SHE: variants seen among roughly 807,000 people sequenced by gnomAD.
SHE encodes the protein SH2 domain-containing adapter protein E.
Under a neutral mutation model 49.8 loss-of-function variants are expected in SHE, and 11 were observed. The observed-to-expected ratio is 0.22, with a 90% CI of 0.14 to 0.37. SHE has a LOEUF of 0.37. Among genes scored for constraint, SHE ranks in the 10% least tolerant of loss-of-function variants. The pLI, the probability that SHE is intolerant of heterozygous loss-of-function variation, is 1.00. For synonymous variants in SHE, 310 were observed against 278.1 expected, an observed-to-expected ratio of 1.11 and a Z score of -1.14; for missense variants, 624 against 655.5, an observed-to-expected ratio of 0.95 and a Z score of 0.52.
Position 154,481,444 on chromosome 1 carries a change from A to C in SHE, c.*2705T>G. 1.0e-6 allele frequency: 1 copy of C among 985,460 alleles called. No individual in the cohort carries two copies. The highest frequency in any genetic ancestry group is 1.1e-4 in the East Asian group (1 of 8,822). The allele number at this position is 985,460 out of a possible 1,614,324, so 61.0% of individuals were successfully genotyped here. Reference sequence around the variant, plus strand: ...ATGACTTGTCACAGAGAAACAGTATAGAAGAAGCATAATACTGGGCATATG... The same window carrying C: ...ATGACTTGTCACAGAGAAACAGTATCGAAGAAGCATAATACTGGGCATATG... On this transcript the variant is annotated 3_prime_UTR_variant, in exon 6 of 6. Coordinates refer to ENST00000304760, the MANE Select transcript of SHE (RefSeq NM_001010846.3).
chr1:154,488,954 T>C (rs1293437377), intron 3 of SHE, 97 bp downstream of exon 3: 1 of 1,422,952 alleles, frequency 7.0e-7, no homozygotes, highest in Non-Finnish European at 9.4e-7. Flanking sequence ...GAGAAAGGAA[T>C]ATAAAGGTAC....
At chr1:154,470,421 C>T in intron 1 of SHE, 2 of 1,283,578 alleles carry the variant, frequency 1.6e-6, no homozygotes, top group South Asian at 1.2e-5. Flanking sequence ...AAAGCATTTT[C>T]CTTATTTACT....
chr1:154,486,213 A>G, intron 4 of SHE, 151 bp from the exon 5 acceptor site: 1 of 1,117,508 alleles, frequency 8.9e-7, no homozygotes, highest in Non-Finnish European at 1.3e-6. Context: ...CAGAACAGAC[A>G]AAATGCAGAT....
At chr1:154,470,063 C>T (rs561307423) in exon 2 of SHE, 45 of 333,126 alleles carry the variant, frequency 1.4e-4, no homozygotes, top group East Asian at 3.2e-4. Context: ...TGAGAGGCGC[C>T]GCCTCTGGGC....
At chr1:154,494,677 C>A (rs556327013) in intron 2 of SHE, among the ~76,000 whole-genome samples, 1 of 152,068 alleles carries the variant, frequency 6.6e-6, no homozygotes. Flanking sequence ...CCACAGCTTG[C>A]TGAATGACAT....
chr1:154,480,299 C>T lies in SHE; in HGVS notation c.*3850G>A, dbSNP rs891677825. The T allele has an allele frequency of 1.0e-6, 1 of 985,290 alleles. No individual in the cohort carries two copies. The highest frequency in any genetic ancestry group is 1.2e-6 in the Non-Finnish European group (1 of 829,950). 61.0% of individuals were successfully genotyped at this position (985,290 alleles called of 1,614,324 possible). A position where few individuals can be genotyped will look rare whatever the true frequency, so the allele number is the denominator to read the frequency against. ...AAGGGAAATGAAATCGACATCACTG[C>T]ACTCCCTAAACCCTGGAAGGAGGGA... On this transcript the variant is annotated 3_prime_UTR_variant, in exon 6 of 6. Transcript: ENST00000304760.
chr1:154,489,378 T>C, intron 2 of SHE, 22 bp from the exon 3 acceptor site: 1 of 1,604,680 alleles, frequency 6.2e-7, no homozygotes, highest in Non-Finnish European at 8.5e-7. Flanking sequence ...ACACCATTTC[T>C]GAAAAACACA....
rs1350565671 is a variant in SHE, at chr1:154,484,259, C to A, written c.1378G>T (p.Val460Leu). 2.5e-6 allele frequency: 4 copies of A among 1,614,106 alleles called. No homozygotes were observed. The African/African-American group carries it at 5.3e-5, about 22-fold the overall frequency. ...NKYTLNQTSA[V>L]FDSIPEVVHY... Reference sequence around the variant, plus strand: ...ACCACTTCAGGGATGCTGTCAAACACAGCGCTTGTCTGATTCAGTGTGTAT... The same window carrying A: ...ACCACTTCAGGGATGCTGTCAAACAAAGCGCTTGTCTGATTCAGTGTGTAT... The change falls in exon 6 of 6, where the codon GTG (valine) becomes TTG (leucine). Residue 460 changes from valine to leucine, a missense_variant. Physicochemically the swap from Val to Leu is conservative, Grantham distance 32. This residue lies in a region of SHE where 125 missense variants were observed against 181.7 expected (regional missense o/e 0.69). Coordinates refer to ENST00000304760, the MANE Select transcript of SHE (RefSeq NM_001010846.3).
chr1:154,480,985 C>G lies in SHE; in HGVS notation c.*3164G>C, dbSNP rs1228199854. The G allele has an allele frequency of 1.7e-5, 17 of 985,294 alleles. No individual in the cohort carries two copies. The highest frequency in any genetic ancestry group is 2.0e-5 in the Non-Finnish European group (17 of 829,940). 61.0% of individuals were successfully genotyped at this position (985,294 alleles called of 1,614,324 possible). Reference sequence around the variant, plus strand: ...ATGGATGCTAAATTCAAGGCAAATTCACTGAAAGACATTCTTCTCACCAGA... The same window carrying G: ...ATGGATGCTAAATTCAAGGCAAATTGACTGAAAGACATTCTTCTCACCAGA... On this transcript the variant is annotated 3_prime_UTR_variant, in exon 6 of 6. Transcript: ENST00000304760.
At chr1:154,471,481 G>C (rs1425359179) in intron 1 of SHE, among the ~76,000 whole-genome samples, 1 of 151,920 alleles carries the variant, frequency 6.6e-6, no homozygotes, top group African/African-American at 2.4e-5. Flanking sequence ...AGGGTGAGGC[G>C]GGAGGATTGC....
intron 1 of SHE, 73 bp from the exon 2 acceptor site, chr1:154,499,311 A>C: frequency 6.5e-7 from 1 of 1,530,062 alleles, no homozygotes. Flanking sequence ...CAAAATGGCT[A>C]CTGACATCTC....
At chr1:154,499,006 G>A in intron 2 of SHE, 106 bp downstream of exon 2, 3 of 1,398,002 alleles carry the variant, frequency 2.1e-6, no homozygotes, top group Non-Finnish European at 1.9e-6. Flanking sequence ...AGCAGGATCT[G>A]GGTAAATTGC....
intron 2 of SHE, among the ~76,000 whole-genome samples, chr1:154,492,541 TG>T (rs1692400091): frequency 6.6e-6 from 1 of 152,208 alleles, no homozygotes; most frequent in South Asian, 2.1e-4. Flanking sequence ...TGGGGTTGTC[TG>T]AGGTCAGAGC....
intron 3 of SHE, 149 bp downstream of exon 3, chr1:154,488,902 A>T: frequency 1.8e-6 from 2 of 1,129,128 alleles, no homozygotes; most frequent in Non-Finnish European, 2.4e-6. Context: ...CATTCTTTCA[A>T]TGGTCATTTC....
rs1243596368 is a variant in SHE at position 154,499,134 on chromosome 1, A to G, written c.696T>C (p.Tyr232=). The stretch of plus-strand genomic sequence containing the variant: ...AACCTGTTATCATTTGCTGTGCATC[A>G]TATGGTTCCATGTAACCGTCGTTCT... ...VGENDGYMEP[Y]DAQQMITEIR... The change falls in exon 2 of 6, where the codon TAT becomes TAC. Residue 232 remains tyrosine, a synonymous_variant. Transcript: ENST00000304760. 1 of 1,614,062 alleles carries G rather than the reference A, an allele frequency of 6.2e-7. No individual in the cohort carries two copies. Among genetic ancestry groups the G allele is most frequent in the African/African-American group, 1.3e-5 (1 of 74,918 alleles).
chr1:154,488,981 A>G lies in SHE; in HGVS notation c.1024+70T>C. The G allele has an allele frequency of 2.0e-6, 3 of 1,494,204 alleles. No individual in the cohort carries two copies. In the South Asian group the frequency reaches 4.2e-5, roughly 21 times the overall value. 92.6% of individuals were successfully genotyped at this position (1,494,204 alleles called of 1,614,324 possible). ...TAAAGGTACCCACAAGGAAAAAAACAAATGTGGGGCTGATGCGGTGGCCAG... is the reference window on the plus strand; with the variant it reads ...TAAAGGTACCCACAAGGAAAAAAACGAATGTGGGGCTGATGCGGTGGCCAG... On this transcript the variant is annotated intron_variant, in intron 3 of 5. Coordinates refer to ENST00000304760, the MANE Select transcript of SHE (RefSeq NM_001010846.3).
At chr1:154,496,938 CTTTT>C (rs975362706) in intron 2 of SHE, among the ~76,000 whole-genome samples, 2 of 149,438 alleles carry the variant, frequency 1.3e-5, no homozygotes, top group Admixed American at 6.7e-5. Flanking sequence ...AAGCATAAAA[CTTTT>C]TTTTTTAAGA....
intron 1 of SHE, among the ~76,000 whole-genome samples, chr1:154,470,815 G>A (rs1691723446): frequency 6.6e-6 from 1 of 152,080 alleles, no homozygotes; most frequent in African/African-American, 2.4e-5. Flanking sequence ...ACTCCAGCCT[G>A]GGCAACAGAG....
At chr1:154,498,838 C>T (rs1692617854) in intron 2 of SHE, among the ~76,000 whole-genome samples, 1 of 152,196 alleles carries the variant, frequency 6.6e-6, no homozygotes, top group Non-Finnish European at 1.5e-5. Flanking sequence ...ACATCATATT[C>T]TGAGCAGATC....
Sources: gnomAD v4.1 joint callset for allele counts (sites outside exome capture counted in the v4.1 genomes callset) on GRCh38, gnomAD v4.1.1 for gene constraint, gnomAD v4.1.1 regional missense constraint, MANE v1.5 for transcripts, NCBI Gene and HGNC (gene_info 2026-07-23, HGNC 2026-07-21) for gene names.